The following SLC6A16 variants were observed in gnomAD, a reference collection of about 807,000 sequenced individuals.
SLC6A16 encodes the protein solute carrier family 6 member 16.
A neutral mutation model predicts 65.4 loss-of-function variants in SLC6A16; 54 were observed. The observed-to-expected ratio is 0.83, with a 90% CI of 0.66 to 1.04. The LOEUF (loss-of-function observed/expected upper bound fraction) is 1.04. Ranked by LOEUF, SLC6A16 falls within the 50% of genes least tolerant of loss-of-function variation. The probability of loss-of-function intolerance (pLI) is 0.00; values close to 1 mark genes in which losing one functional copy is unlikely to be tolerated. For missense variants in SLC6A16, 816 were observed against 914.0 expected, an observed-to-expected ratio of 0.89 and a Z score of 1.38; for synonymous variants, 330 against 346.5, an observed-to-expected ratio of 0.95 and a Z score of 0.53.
intron 7 of SLC6A16, among the ~76,000 whole-genome samples, chr19:49,299,069 C>A (rs972967491): frequency 6.6e-6 from 1 of 151,614 alleles, no homozygotes; most frequent in Non-Finnish European, 1.5e-5. Flanking sequence ...CACGGTGAAA[C>A]CCCGTCTCTA....
intron 7 of SLC6A16, among the ~76,000 whole-genome samples, chr19:49,303,524 G>A (rs1030423954): frequency 8.6e-5 from 13 of 151,832 alleles, no homozygotes; most frequent in South Asian, 4.2e-4. Context: ...GCATGGTGGC[G>A]CCCACCTGTA....
intron 1 of SLC6A16, among the ~76,000 whole-genome samples, chr19:49,317,519 C>T (rs1456643917): frequency 6.6e-6 from 1 of 151,904 alleles, no homozygotes; most frequent in Non-Finnish European, 1.5e-5. Context: ...CAAAACTGTA[C>T]AAATAGGCCA....
the SLC6A16 span, among the ~76,000 whole-genome samples, chr19:49,332,705 C>T: frequency 1.3e-4 from 20 of 152,154 alleles, no homozygotes; most frequent in Non-Finnish European, 7.3e-5. Context: ...AGGACATAGA[C>T]ATATCTTTTT....
At chr19:49,303,457 G>A (rs1369971569) in intron 7 of SLC6A16, among the ~76,000 whole-genome samples, 4 of 152,178 alleles carry the variant, frequency 2.6e-5, no homozygotes, top group South Asian at 4.2e-4. Context: ...GACCAGCCTG[G>A]CCAGTATAGG....
At chr19:49,294,273 C>T (rs770593636) in intron 8 of SLC6A16, 94 bp downstream of exon 8, 13 of 1,253,384 alleles carry the variant, frequency 1.0e-5, no homozygotes, top group African/African-American at 4.5e-5. Context: ...CTGGTGCTTC[C>T]GGGATTTTTG....
chr19:49,308,845 C>T, intron 7 of SLC6A16, 31 bp downstream of exon 7: 1 of 1,612,634 alleles, frequency 6.2e-7, no homozygotes, highest in African/African-American at 1.3e-5. Flanking sequence ...TTCCCTGGAG[C>T]TGAGACCCTT....
At chr19:49,309,598 G>A (rs1248022991) in intron 5 of SLC6A16, 53 bp downstream of exon 5, 2 of 1,527,192 alleles carry the variant, frequency 1.3e-6, no homozygotes, top group Non-Finnish European at 1.8e-6. Context: ...AACAAATTGA[G>A]GTAAGGGCTA....
chr19:49,337,278 T>C, the SLC6A16 span: 1 of 1,529,022 alleles, frequency 6.5e-7, no homozygotes, highest in East Asian at 2.3e-5. Flanking sequence ...GGGAAGGGAG[T>C]GGTGGGAGAG....
intron 1 of SLC6A16, among the ~76,000 whole-genome samples, chr19:49,314,363 A>C (rs1477667431): frequency 6.6e-6 from 1 of 152,200 alleles, no homozygotes; most frequent in East Asian, 1.9e-4. Flanking sequence ...ATAAATGTAC[A>C]AGGAACGATG....
At chr19:49,320,605 A>T (rs943797368) in intron 1 of SLC6A16, among the ~76,000 whole-genome samples, 1 of 152,136 alleles carries the variant, frequency 6.6e-6, no homozygotes, top group Non-Finnish European at 1.5e-5. Flanking sequence ...AACAAAATTG[A>T]CAAACCTTTA....
At chr19:49,337,692 AAGAG>A in the SLC6A16 span, 4 of 1,530,466 alleles carry the variant, frequency 2.6e-6, no homozygotes, top group Admixed American at 2.0e-5. Context: ...ACACGGGAAA[AAGAG>A]AGAACAAGAG....
At chr19:49,309,152 A>G (rs1336989427) in intron 6 of SLC6A16, 35 bp from the exon 7 acceptor site, 1 of 1,609,244 alleles carries the variant, frequency 6.2e-7, no homozygotes. Flanking sequence ...GGGGGTTGTA[A>G]AAGAAGAAGC....
chr19:49,305,967 G>C (rs1970376907), intron 7 of SLC6A16: 2 of 152,188 alleles, frequency 1.3e-5, no homozygotes, highest in South Asian at 4.1e-4. Context: ...TAAAAACTGT[G>C]GTATATTCAT....
chr19:49,311,318 G>A lies in SLC6A16; in HGVS notation c.30C>T (p.Ser10=), dbSNP rs916865746. 2 of 1,596,406 alleles carry A rather than the reference G, an allele frequency of 1.3e-6. No homozygotes were observed. Among genetic ancestry groups the A allele is most frequent in the Non-Finnish European group, 1.7e-6 (2 of 1,171,644 alleles). Residue 10 remains serine (S), a synonymous_variant, in exon 2 of 12, where the codon TCC becomes TCT. Transcript: ENST00000335875. MKTEAQPST[S]LLANTSWTGT... is the part of the protein sequence containing the mutation. Reference sequence around the variant, plus strand: ...CAGTCCATGAGGTGTTTGCCAGCAAGGATGTCGAAGGCTGGGCCTCTGTCT... The same window carrying A: ...CAGTCCATGAGGTGTTTGCCAGCAAAGATGTCGAAGGCTGGGCCTCTGTCT...
Position 49,310,431 on chromosome 19 carries a change from C to T in SLC6A16, c.495G>A (p.Gln165=). The T allele has an allele frequency of 6.2e-7, 1 of 1,614,164 alleles. No individual in the cohort carries two copies. Among genetic ancestry groups the T allele is most frequent in the Non-Finnish European group, 8.5e-7 (1 of 1,180,018 alleles). Residue 165 remains glutamine (Q), a synonymous_variant, in exon 3 of 12, where the codon CAG becomes CAA. Transcript: ENST00000335875. ...PLLFLEMAAG[Q]SMRQGGMGVW... ...CACCCATGCCACCCTGACGCATGCT[C>T]TGACCAGCTGCCATCTCCAGGAAGA...
At chr19:49,317,772 C>T (rs1327727068) in intron 1 of SLC6A16, among the ~76,000 whole-genome samples, 1 of 151,886 alleles carries the variant, frequency 6.6e-6, no homozygotes, top group African/African-American at 2.4e-5. Context: ...CACCACTGCA[C>T]TCCAGCCAGG....
intron 7 of SLC6A16, among the ~76,000 whole-genome samples, chr19:49,304,444 A>G (rs1233810156): frequency 6.6e-6 from 1 of 152,214 alleles, no homozygotes; most frequent in African/African-American, 2.4e-5. Context: ...CAAAACAATT[A>G]TGTTATCCTC....
At chr19:49,301,552 A>T (rs930852187) in intron 7 of SLC6A16, among the ~76,000 whole-genome samples, 5 of 152,134 alleles carry the variant, frequency 3.3e-5, no homozygotes, top group Non-Finnish European at 7.4e-5. Flanking sequence ...ACCACCAAGG[A>T]CACCTTGGTG....
chr19:49,295,772 G>A (rs980331637), intron 7 of SLC6A16, among the ~76,000 whole-genome samples: 12 of 152,098 alleles, frequency 7.9e-5, no homozygotes, highest in African/African-American at 2.7e-4. Flanking sequence ...GGGCCATGGA[G>A]GCCAGATATA....
Sources: gnomAD v4.1 joint callset for allele counts (sites outside exome capture counted in the v4.1 genomes callset) on GRCh38, gnomAD v4.1.1 for gene constraint, MANE v1.5 for transcripts, NCBI Gene and HGNC (gene_info 2026-07-23, HGNC 2026-07-21) for gene names.